Variants in MYB observed in about 807,000 individuals in gnomAD.
MYB encodes MYB proto-oncogene, transcription factor.
Under a neutral mutation model 92.9 loss-of-function variants are expected in MYB, and 28 were observed. That is an observed-to-expected ratio of 0.30 (90% CI 0.22 to 0.41). The LOEUF (loss-of-function observed/expected upper bound fraction) is 0.41, where lower values mean the gene tolerates loss of function less well. Among genes scored for constraint, MYB ranks in the 10% least tolerant of loss-of-function variants. The probability of loss-of-function intolerance (pLI) is 1.00; values close to 1 mark genes in which losing one functional copy is unlikely to be tolerated. For missense variants in MYB, 679 were observed against 929.3 expected (o/e 0.73, Z 3.50); for synonymous variants, 295 against 329.1 (o/e 0.90, Z 1.12).
chr6:135,201,598 G>C, intron 13 of MYB, 41 bp from the exon 14 acceptor site: 1 of 1,356,290 alleles, frequency 7.4e-7, no homozygotes, highest in Non-Finnish European at 1.0e-6. Context: ...TGTTTCATAG[G>C]AAGTTCTAGA....
intron 15 of MYB, among the ~76,000 whole-genome samples, chr6:135,210,435 AAC>A (rs768029219): frequency 7.2e-5 from 11 of 152,236 alleles, no homozygotes; most frequent in Non-Finnish European, 1.5e-4. Flanking sequence ...TTATTATTTA[AAC>A]ACATTTACAC....
rs1776543050 is a variant in MYB, at chr6:135,190,916, C to T, written c.527+569C>T. Among the ~76,000 whole-genome samples, 1 of 152,112 alleles carries T rather than the reference C, an allele frequency of 6.6e-6. No individual in the cohort carries two copies. The highest frequency in any genetic ancestry group is 1.5e-5 in the Non-Finnish European group (1 of 68,028). On this transcript the variant is annotated intron_variant, in intron 5 of 15. Coordinates refer to ENST00000341911, the MANE Select transcript of MYB (RefSeq NM_001130173.2). This position sits in a 1 kb window ranked among gnomAD's most constrained non-coding sequence, Gnocchi z 4.5. ...GGCTCAAGGGATCCTCCCACCTCAG[C>T]TTCTTGAGTAGCTAGGACTACAGGT...
At chr6:135,200,551 C>G in intron 13 of MYB, 136 bp downstream of exon 13, 2 of 1,277,878 alleles carry the variant, frequency 1.6e-6, no homozygotes, top group Non-Finnish European at 2.2e-6. Context: ...CAAGGTGCAG[C>G]GAAAAGGTAC....
chr6:135,193,746 C>G, intron 6 of MYB, 92 bp from the exon 7 acceptor site: 1 of 761,162 alleles, frequency 1.3e-6, no homozygotes, highest in South Asian at 2.0e-5. Flanking sequence ...TTTTTTTTCT[C>G]TCAGTCCCAG....
Position 135,219,013 on chromosome 6 carries a change from A to G in MYB, c.*1033A>G, listed in dbSNP as rs1433907254. On this transcript the variant is annotated 3_prime_UTR_variant, in exon 16 of 16. Coordinates refer to ENST00000341911, the MANE Select transcript of MYB (RefSeq NM_001130173.2). ...AAGTGTATGGTCTCAGAACTGTTGC[A>G]TGGATCCTGTGTTTGCAACTGGGGA... is the stretch of plus-strand genomic sequence containing the variant. The G allele has an allele frequency of 4.4e-6, 1 of 224,740 alleles. No individual in the cohort carries two copies. The highest frequency in any genetic ancestry group is 8.9e-6 in the Non-Finnish European group (1 of 112,424). The allele number at this position is 224,740 out of a possible 1,614,324, so 13.9% of individuals were successfully genotyped here. A position where few individuals can be genotyped will look rare whatever the true frequency, so the allele number is the denominator to read the frequency against.
At chr6:135,204,923 C>G (rs1213552697) in intron 15 of MYB, among the ~76,000 whole-genome samples, 1 of 152,106 alleles carries the variant, frequency 6.6e-6, no homozygotes, top group Non-Finnish European at 1.5e-5. Flanking sequence ...GCCTGGCCAA[C>G]ACGGTGAAAC....
chr6:135,202,651 A>G, intron 14 of MYB: 1 of 254,006 alleles, frequency 3.9e-6, no homozygotes, highest in Non-Finnish European at 7.8e-6. Context: ...TACAGGCGTG[A>G]GCCACCGCGC....
intron 3 of MYB, among the ~76,000 whole-genome samples, chr6:135,189,205 C>G (rs534201117): frequency 6.6e-6 from 1 of 152,332 alleles, no homozygotes; most frequent in South Asian, 2.1e-4. Context: ...CTCCTCACTT[C>G]AGTATCATTT....
chr6:135,195,338 ACTC>A, intron 8 of MYB: 1 of 158,348 alleles, frequency 6.3e-6, no homozygotes, highest in Non-Finnish European at 1.3e-5. Flanking sequence ...GATCAAAGCA[ACTC>A]TAACTCCTGA....
chr6:135,206,360 T>A (rs1778922069), intron 15 of MYB, among the ~76,000 whole-genome samples: 1 of 151,446 alleles, frequency 6.6e-6, no homozygotes, highest in South Asian at 2.1e-4. Flanking sequence ...ATTATACCCC[T>A]GCACTCTAGC....
In MYB at chr6:135,204,085, C is replaced by T. The variant is rs781616448; in HGVS notation, c.2169+761C>T. 5.7e-4 allele frequency: 107 copies of T among 188,306 alleles called. 1 individual carries two copies. Among genetic ancestry groups the T allele is most frequent in the Non-Finnish European group, 1.0e-3 (94 of 92,824 alleles). The allele number at this position is 188,306 out of a possible 1,614,324, so 11.7% of individuals were successfully genotyped here. On this transcript the variant is annotated intron_variant, in intron 15 of 15. Coordinates refer to ENST00000341911, the MANE Select transcript of MYB (RefSeq NM_001130173.2). ...TGCCATGCAGAGGGAAACTTCATAA[C>T]CCTAGAGGAAGTGAAGAGCCTGGAT... is the stretch of plus-strand genomic sequence containing the variant.
At chr6:135,203,927 C>T in intron 15 of MYB, 1 of 1,118,070 alleles carries the variant, frequency 8.9e-7, no homozygotes, top group Non-Finnish European at 1.1e-6. Flanking sequence ...GAAATATAAC[C>T]AATTCCAAAT....
At chr6:135,189,936 T>C (rs1776425510) in intron 4 of MYB, 53 bp downstream of exon 4, 3 of 1,534,456 alleles carry the variant, frequency 2.0e-6, no homozygotes, top group South Asian at 1.1e-5. Context: ...ATTCCCAAAA[T>C]GCTAATATTT....
intron 15 of MYB, among the ~76,000 whole-genome samples, chr6:135,204,812 G>A (rs56083211): frequency 5.7e-4 from 87 of 152,116 alleles, no homozygotes; most frequent in Non-Finnish European, 8.4e-4. Context: ...AGAAGACTCA[G>A]AATACCACAA....
chr6:135,200,070 G>T lies in MYB; in HGVS notation c.1710-15G>T. The T allele has an allele frequency of 6.3e-7, 1 of 1,594,222 alleles. No homozygotes were observed. Among genetic ancestry groups the T allele is most frequent in the South Asian group, 1.1e-5 (1 of 90,720 alleles). On this transcript the variant is annotated splice_polypyrimidine_tract_variant and intron_variant, in intron 11 of 15. Coordinates refer to ENST00000341911, the MANE Select transcript of MYB (RefSeq NM_001130173.2). ...ATTCTTTTGTATTGAGCCACTGCTT[G>T]TTTTCTTTTTAAAGTTTTAGAACCC...
Position 135,200,303 on chromosome 6 carries a change from C to G in MYB, c.1838C>G (p.Ser613Cys). 6.2e-7 allele frequency: 1 copy of G among 1,614,136 alleles called. No homozygotes were observed. The highest frequency in any genetic ancestry group is 8.5e-7 in the Non-Finnish European group (1 of 1,180,016). ...GPLKMLPQTPSHLVEDLQDVI... is the reference protein window; with the variant it reads ...GPLKMLPQTPCHLVEDLQDVI... Reference sequence around the variant, plus strand: ...TCTTCCGTTTAGCCTCAGACACCCTCTCATCTAGTAGAAGATCTGCAGGAT... The same window carrying G: ...TCTTCCGTTTAGCCTCAGACACCCTGTCATCTAGTAGAAGATCTGCAGGAT... The change falls in exon 13 of 16, where the codon TCT becomes TGT. Residue 613 changes from serine to cysteine, a missense_variant. Ser to Cys is a moderately radical substitution (Grantham distance 112). This residue lies in a region of MYB where 402 missense variants were observed against 434.2 expected (regional missense o/e 0.93). Coordinates refer to ENST00000341911, the MANE Select transcript of MYB (RefSeq NM_001130173.2).
At position 135,207,946 on chromosome 6, in the gene MYB, C is replaced by T. The variant is rs558393112; in HGVS notation, c.2169+4622C>T. On this transcript the variant is annotated intron_variant, in intron 15 of 15. Transcript: ENST00000341911. ...TTCTCCATGTTGGCTAGGCTGGTCT[C>T]GAACTGCTGACCTCAAGTGATCCAC... 4.6e-5 allele frequency among the ~76,000 whole-genome samples: 7 copies of T among 151,922 alleles called. No individual in the cohort carries two copies. In the South Asian group the frequency reaches 8.3e-4, roughly 18 times the overall value.
At chr6:135,185,037 A>G (rs1326338697) in intron 1 of MYB, among the ~76,000 whole-genome samples, 2 of 152,236 alleles carry the variant, frequency 1.3e-5, no homozygotes, top group African/African-American at 2.4e-5. Flanking sequence ...GAAAATAGTA[A>G]TGGGTTCTTT....
chr6:135,192,836 G>A (rs1378384006), intron 6 of MYB, among the ~76,000 whole-genome samples: 1 of 152,158 alleles, frequency 6.6e-6, no homozygotes, highest in African/African-American at 2.4e-5. Context: ...CTAAATTGCT[G>A]CTTCAAATCT....
Sources: allele counts gnomAD v4.1 joint callset (sites outside exome capture counted in the v4.1 genomes callset), GRCh38; gene constraint gnomAD v4.1.1; regional missense constraint gnomAD v4.1.1; non-coding constraint Gnocchi (gnomAD v3.1); transcripts MANE v1.5; gene names NCBI Gene and HGNC (gene_info 2026-07-23, HGNC 2026-07-21).